The following PTPRD variants were observed in gnomAD, a reference collection of about 807,000 sequenced individuals.
The protein encoded by PTPRD is receptor-type tyrosine-protein phosphatase delta.
PTPRD carries 34 observed loss-of-function variants against 214.5 expected under a neutral mutation model. The observed-to-expected ratio is 0.16, with a 90% CI of 0.12 to 0.21. PTPRD has a LOEUF of 0.21. Ranked by LOEUF, PTPRD falls within the 10% of genes least tolerant of loss-of-function variation. PTPRD has a pLI of 1.00. For synonymous variants in PTPRD, 1,128 were observed against 845.7 expected, an observed-to-expected ratio of 1.33 and a Z score of -5.79; for missense variants, 2,545 against 2,398.7, an observed-to-expected ratio of 1.06 and a Z score of -1.27.
intron 11 of PTPRD, among the ~76,000 whole-genome samples, chr9:8,806,997 G>C (rs540697320): frequency 1.3e-5 from 2 of 152,274 alleles, no homozygotes; most frequent in East Asian, 1.9e-4. Flanking sequence ...CACAATTACA[G>C]TGACAAAAAT....
intron 2 of PTPRD, among the ~76,000 whole-genome samples, chr9:10,573,814 C>T (rs921423941): frequency 6.6e-6 from 1 of 151,932 alleles, no homozygotes; most frequent in Admixed American, 6.6e-5. Context: ...GTGAGAGAAG[C>T]GGAATTGTTT....
intron 9 of PTPRD, among the ~76,000 whole-genome samples, chr9:9,186,993 T>C (rs1045516830): frequency 1.6e-4 from 24 of 151,724 alleles, no homozygotes; most frequent in Admixed American, 1.1e-3. Flanking sequence ...TTGAGTATTA[T>C]ATAAAATATA....
At chr9:8,770,059 T>C (rs1349307922) in intron 11 of PTPRD, among the ~76,000 whole-genome samples, 1 of 152,050 alleles carries the variant, frequency 6.6e-6, no homozygotes, top group African/African-American at 2.4e-5. Context: ...GGCCGGTGGA[T>C]CACCTGAGGT....
intron 9 of PTPRD, among the ~76,000 whole-genome samples, chr9:9,189,320 T>G (rs2099933662): frequency 1.3e-5 from 2 of 152,106 alleles, no homozygotes; most frequent in Admixed American, 6.6e-5. Context: ...GGTGCACAGT[T>G]GCTCAGTGAT....
intron 3 of PTPRD, among the ~76,000 whole-genome samples, chr9:10,096,064 G>C (rs1447385865): frequency 6.6e-6 from 1 of 151,524 alleles, no homozygotes; most frequent in Non-Finnish European, 1.5e-5. Context: ...TATTCAGTAG[G>C]CTTACCGCAT....
At chr9:8,722,307 C>A (rs2098509117) in intron 12 of PTPRD, among the ~76,000 whole-genome samples, 1 of 152,036 alleles carries the variant, frequency 6.6e-6, no homozygotes, top group South Asian at 2.1e-4. Flanking sequence ...ATTATCCTCC[C>A]AGGAGAATTG....
chr9:9,987,952 C>T (rs1025865429), intron 4 of PTPRD, among the ~76,000 whole-genome samples: 3 of 152,086 alleles, frequency 2.0e-5, no homozygotes, highest in Non-Finnish European at 4.4e-5. Flanking sequence ...TAATATTAAG[C>T]TGACATATTT....
intron 7 of PTPRD, among the ~76,000 whole-genome samples, chr9:9,647,375 G>GTT (rs56103204): frequency 4.6e-5 from 7 of 151,832 alleles, no homozygotes; most frequent in Non-Finnish European, 1.0e-4. Flanking sequence ...AGGATAATTT[G>GTT]TTTTTTTATG....
chr9:8,346,211 C>G (rs1348037916), intron 39 of PTPRD, among the ~76,000 whole-genome samples: 2 of 152,048 alleles, frequency 1.3e-5, no homozygotes, highest in African/African-American at 4.8e-5. Flanking sequence ...TATTCAAACT[C>G]CACGATTATC....
intron 7 of PTPRD, among the ~76,000 whole-genome samples, chr9:9,706,473 C>G (rs149991670): frequency 1.3e-5 from 2 of 151,362 alleles, no homozygotes; most frequent in African/African-American, 4.8e-5. Context: ...GAGTTTCACT[C>G]TGGTCTCACA....
intron 36 of PTPRD, among the ~76,000 whole-genome samples, chr9:8,391,728 T>C (rs116144698): frequency 0.014 from 2,119 of 152,252 alleles, 57 homozygotes; most frequent in African/African-American, 0.049. Flanking sequence ...TGGAGAAATC[T>C]GGGCTAAATG....
At chr9:8,557,797 C>T (rs550688475) in intron 14 of PTPRD, among the ~76,000 whole-genome samples, 1 of 140,018 alleles carries the variant, frequency 7.1e-6, no homozygotes, top group African/African-American at 2.7e-5. Context: ...CACACACACA[C>T]ACACACACAC....
intron 10 of PTPRD, among the ~76,000 whole-genome samples, chr9:9,029,378 A>T (rs1198889741): frequency 6.6e-6 from 1 of 151,906 alleles, no homozygotes; most frequent in African/African-American, 2.4e-5. Flanking sequence ...TTAGAAATTT[A>T]AAAAATGATA....
At chr9:9,497,502 G>A (rs746851828) in intron 8 of PTPRD, among the ~76,000 whole-genome samples, 3 of 152,054 alleles carry the variant, frequency 2.0e-5, no homozygotes, top group East Asian at 3.9e-4. Context: ...ATATTGACAC[G>A]CATTCACTCA....
intron 9 of PTPRD, among the ~76,000 whole-genome samples, chr9:9,252,990 T>C (rs2099976118): frequency 6.6e-6 from 1 of 152,100 alleles, no homozygotes; most frequent in African/African-American, 2.4e-5. Context: ...AATAAGACTA[T>C]TGGCAGAATT....
chr9:9,442,100 G>C (rs1437241211), intron 8 of PTPRD: 3 of 152,334 alleles, frequency 2.0e-5, no homozygotes. Context: ...CAGCTACTCG[G>C]GAGGCTGAGG....
chr9:10,009,594 C>A (rs1321219711), intron 4 of PTPRD, among the ~76,000 whole-genome samples: 2 of 151,742 alleles, frequency 1.3e-5, no homozygotes, highest in Non-Finnish European at 2.9e-5. Flanking sequence ...TAGGTGCCTA[C>A]CTTAGAGGCA....
chr9:8,724,227 A>T (rs550793510), intron 12 of PTPRD, among the ~76,000 whole-genome samples: 43 of 152,198 alleles, frequency 2.8e-4, no homozygotes, highest in Non-Finnish European at 5.6e-4. Context: ...AAAACAAAGG[A>T]TTACTTATAA....
chr9:9,739,050 T>C (rs1338082519), intron 6 of PTPRD, among the ~76,000 whole-genome samples: 1 of 152,220 alleles, frequency 6.6e-6, no homozygotes, highest in African/African-American at 2.4e-5. Flanking sequence ...AATAATCTGG[T>C]ACATTCCTTT....
Sources: gnomAD v4.1 joint callset for allele counts (sites outside exome capture counted in the v4.1 genomes callset) on GRCh38, gnomAD v4.1.1 for gene constraint, MANE v1.5 for transcripts, NCBI Gene and HGNC (gene_info 2026-07-23, HGNC 2026-07-21) for gene names.